DNAH12: variants seen among roughly 807,000 people sequenced by gnomAD.
DNAH12 encodes axonemal beta dynein heavy chain 12.
DNAH12 carries 285 observed loss-of-function variants against 371.5 expected under a neutral mutation model. The ratio of observed to expected loss-of-function variants is 0.77; its 90% CI spans 0.70 to 0.85. The LOEUF (loss-of-function observed/expected upper bound fraction) is 0.85. Among genes scored for constraint, DNAH12 ranks in the 40% least tolerant of loss-of-function variants. The pLI is 0.00. For synonymous variants in DNAH12, 1,200 were observed against 1,213.0 expected (o/e 0.99, Z 0.22); for missense variants, 3,611 against 3,689.4 (o/e 0.98, Z 0.55).
At chr3:57,392,603 A>AACAAAT (rs1331162083) in intron 44 of DNAH12, among the ~76,000 whole-genome samples, 1 of 151,732 alleles carries the variant, frequency 6.6e-6, no homozygotes, top group Non-Finnish European at 1.5e-5. Flanking sequence ...CAAAAACAAA[A>AACAAAT]ACAAACAACA....
At chr3:57,334,334 A>C in intron 62 of DNAH12, 131 bp downstream of exon 62, 1 of 1,025,274 alleles carries the variant, frequency 9.8e-7, no homozygotes, top group South Asian at 2.5e-5. Context: ...ATCTAAATCC[A>C]AAGAGCTCAA....
intron 56 of DNAH12, among the ~76,000 whole-genome samples, chr3:57,367,543 G>GTAA (rs1315721629): frequency 3.3e-5 from 5 of 152,224 alleles, no homozygotes; most frequent in Admixed American, 6.5e-5. Flanking sequence ...GCTCTTAAAG[G>GTAA]TAATAGCACT....
Position 57,507,627 on chromosome 3 carries a change from T to C in DNAH12, c.897+16A>G. On this transcript the variant is annotated intron_variant, in intron 8 of 73. Coordinates refer to ENST00000495027, the MANE Select transcript of DNAH12 (RefSeq NM_001366028.2). The stretch of plus-strand genomic sequence containing the variant: ...TTTAATAACATTATCATTTAATATA[T>C]ATAAAGTGTATGTACCTGATTTGAC... 1 of 1,550,586 alleles carries C rather than the reference T, an allele frequency of 6.4e-7. No homozygotes were observed. Among genetic ancestry groups the C allele is most frequent in the Non-Finnish European group, 8.6e-7 (1 of 1,156,938 alleles).
rs1004349388 is a variant in DNAH12, at chr3:57,303,049, T to C, written c.11190-1110A>G. ...ATCATCATTTTTACATTTTAAAAAA[T>C]ACCCACTCAACTGGGCGTGGTGGCT... On this transcript the variant is annotated intron_variant, in intron 69 of 73. Coordinates refer to ENST00000495027, the MANE Select transcript of DNAH12 (RefSeq NM_001366028.2). 4.0e-4 allele frequency among the ~76,000 whole-genome samples: 60 copies of C among 151,804 alleles called. 1 individual carries two copies. The highest frequency in any genetic ancestry group is 1.4e-3 in the African/African-American group (58 of 41,456).
intron 25 of DNAH12, among the ~76,000 whole-genome samples, chr3:57,446,987 G>C (rs1047713092): frequency 1.3e-5 from 2 of 152,172 alleles, no homozygotes; most frequent in African/African-American, 4.8e-5. Flanking sequence ...GTTTTAATTA[G>C]AAGTGGTTGT....
At position 57,301,754 on chromosome 3, in the gene DNAH12, G is replaced by A. The variant is rs984530249; in HGVS notation, c.11375C>T (p.Ala3792Val). Reference sequence around the variant, plus strand: ...TTTTACCTGTAAAAAGTTCAACCGGGCTAGGAAATCTGTGATGTAACTTCC... The same window carrying A: ...TTTTACCTGTAAAAAGTTCAACCGGACTAGGAAATCTGTGATGTAACTTCC... ...PLGSYITDFLARLNFLQDWYN... is the reference protein window; with the variant it reads ...PLGSYITDFLVRLNFLQDWYN... Residue 3792 changes from alanine (A) to valine (V), a missense_variant, in exon 70 of 74, where the codon GCC becomes GTC. Around this residue, in one of 3 missense-constraint regions of DNAH12, gnomAD observed 2,266 missense variants for 2,236.9 expected, o/e 1.01. Coordinates refer to ENST00000495027, the MANE Select transcript of DNAH12 (RefSeq NM_001366028.2). 31 of 1,549,354 alleles carry A rather than the reference G, an allele frequency of 2.0e-5. No homozygotes were observed. The highest frequency in any genetic ancestry group is 2.4e-5 in the Non-Finnish European group (28 of 1,146,490).
chr3:57,458,210 G>T lies in DNAH12; in HGVS notation c.2942C>A (p.Ala981Asp). 1.3e-6 allele frequency: 2 copies of T among 1,543,286 alleles called. No individual in the cohort carries two copies. The highest frequency in any genetic ancestry group is 1.7e-6 in the Non-Finnish European group (2 of 1,145,092). The change falls in exon 21 of 74, where the codon GCC becomes GAC. Residue 981 changes from alanine to aspartate, a missense_variant. Coordinates refer to ENST00000495027, the MANE Select transcript of DNAH12 (RefSeq NM_001366028.2). ...FCAKDPKVLAATSLTGLLEKL... is the reference protein window; with the variant it reads ...FCAKDPKVLADTSLTGLLEKL... ...TTCCAATAAACCTGTTAAAGAAGTG[G>T]CAGCAAGAACCTAAACGAGACACAT...
chr3:57,409,847 G>A (rs1553682451), intron 39 of DNAH12, among the ~76,000 whole-genome samples: 3 of 152,150 alleles, frequency 2.0e-5, no homozygotes, highest in African/African-American at 7.2e-5. Flanking sequence ...TCTTACATGT[G>A]AGAAACTAAC....
At chr3:57,380,118 A>G (rs1340121656) in intron 51 of DNAH12, among the ~76,000 whole-genome samples, 160 bp downstream of exon 51, 2 of 152,158 alleles carry the variant, frequency 1.3e-5, no homozygotes, top group African/African-American at 4.8e-5. Context: ...AAACATTATG[A>G]AAACTCATAG....
At position 57,405,858 on chromosome 3, in the gene DNAH12, C is replaced by G. The variant is rs2064009536; in HGVS notation, c.6371G>C (p.Cys2124Ser). The G allele has an allele frequency of 1.3e-6, 2 of 1,551,518 alleles. No individual in the cohort carries two copies. Among genetic ancestry groups the G allele is most frequent in the African/African-American group, 2.7e-5 (2 of 73,030 alleles). Residue 2124 changes from cysteine (C) to serine (S), a missense_variant, in exon 41 of 74, where the codon TGT becomes TCT. Cys to Ser is a moderately radical substitution (Grantham distance 112). Coordinates refer to ENST00000495027, the MANE Select transcript of DNAH12 (RefSeq NM_001366028.2). ...CACGGCGTCTCTTTCAATGAGTAAA[C>G]AGCCCCGGATGACGCGTGAAAAATC... ...LRDFSRVIRG[C>S]LLIERDAVAN...
chr3:57,512,965 C>T (rs557424917), intron 4 of DNAH12, among the ~76,000 whole-genome samples: 1 of 151,940 alleles, frequency 6.6e-6, no homozygotes, highest in Middle Eastern at 3.4e-3. Flanking sequence ...GGTGAAACCC[C>T]GTCTCTACTA....
At chr3:57,362,506 C>T (rs1421887425) in intron 58 of DNAH12, among the ~76,000 whole-genome samples, 3 of 152,190 alleles carry the variant, frequency 2.0e-5, no homozygotes, top group Non-Finnish European at 2.9e-5. Context: ...GTTGCTATTT[C>T]TCCACATCCT....
At chr3:57,533,518 T>A (rs1342175053) in intron 2 of DNAH12, among the ~76,000 whole-genome samples, 2 of 152,036 alleles carry the variant, frequency 1.3e-5, no homozygotes, top group Non-Finnish European at 2.9e-5. Flanking sequence ...ACTACCTGAG[T>A]ATTGCTGATA....
At chr3:57,380,706 C>CCA (rs2063371901) in intron 50 of DNAH12, among the ~76,000 whole-genome samples, 1 of 152,158 alleles carries the variant, frequency 6.6e-6, no homozygotes, top group African/African-American at 2.4e-5. Context: ...CTCAAGTGAT[C>CCA]CACCTGCCTC....
chr3:57,378,836 T>G (rs1460041631), intron 52 of DNAH12, among the ~76,000 whole-genome samples: 9 of 152,226 alleles, frequency 5.9e-5, no homozygotes, highest in African/African-American at 2.2e-4. Context: ...CCTTGATGTT[T>G]TAGATTTTTC....
intron 45 of DNAH12, among the ~76,000 whole-genome samples, chr3:57,391,517 C>T (rs1272020751): frequency 2.0e-5 from 3 of 152,148 alleles, no homozygotes; most frequent in Non-Finnish European, 4.4e-5. Context: ...TAATAAATTT[C>T]TTTACATACA....
chr3:57,487,373 G>GA lies in DNAH12; in HGVS notation c.1514+2135dup, dbSNP rs745504623. On this transcript the variant is annotated intron_variant, in intron 12 of 73. Coordinates refer to ENST00000495027, the MANE Select transcript of DNAH12 (RefSeq NM_001366028.2). ...AGAGAGAGAAAGAAAGAGAAAGAAA[G>GA]AAAAAAAAAAAGAAAGAGAAAGAAA... Among the ~76,000 whole-genome samples, 239 of 28,798 alleles carry GA rather than the reference G, an allele frequency of 8.3e-3. 1 individual carries two copies. Among genetic ancestry groups the GA allele is most frequent in the South Asian group, 0.027 (17 of 636 alleles). The allele number at this position is 28,798 out of a possible 152,430, so 18.9% of individuals were successfully genotyped here. A position where few individuals can be genotyped will look rare whatever the true frequency, so the allele number is the denominator to read the frequency against.
rs763474475 is a variant in DNAH12 at position 57,437,057 on chromosome 3, A to T, written c.4549T>A (p.Phe1517Ile). The T allele has an allele frequency of 1.3e-5, 19 of 1,517,500 alleles. No homozygotes were observed. In the African/African-American group the frequency reaches 2.7e-4, roughly 21 times the overall value. The allele number at this position is 1,517,500 out of a possible 1,614,324, so 94.0% of individuals were successfully genotyped here. A position where few individuals can be genotyped will look rare whatever the true frequency, so the allele number is the denominator to read the frequency against. ...IKLPEADYHE[F>I]LECAHEACNV... Reference sequence around the variant, plus strand: ...CAGGCTTCATGAGCACATTCCAAAAATTCCTGAAATAAAAAAAAGTAATGC... The same window carrying T: ...CAGGCTTCATGAGCACATTCCAAAATTTCCTGAAATAAAAAAAAGTAATGC... The change falls in exon 30 of 74, where the codon TTT becomes ATT. Residue 1517 changes from phenylalanine (F) to isoleucine (I), a missense_variant. Physicochemically the swap from Phe to Ile is conservative, Grantham distance 21 (BLOSUM62 0). Coordinates refer to ENST00000495027, the MANE Select transcript of DNAH12 (RefSeq NM_001366028.2).
chr3:57,455,408 T>TAA (rs547067884), intron 22 of DNAH12, among the ~76,000 whole-genome samples: 26 of 137,634 alleles, frequency 1.9e-4, no homozygotes, highest in African/African-American at 5.4e-4. Flanking sequence ...CTACTAAAAA[T>TAA]AAAAAAAAAA....
Sources: allele counts gnomAD v4.1 joint callset (sites outside exome capture counted in the v4.1 genomes callset), GRCh38; gene constraint gnomAD v4.1.1; regional missense constraint gnomAD v4.1.1; transcripts MANE v1.5; gene names NCBI Gene and HGNC (gene_info 2026-07-23, HGNC 2026-07-21).